The following BICD1 variants were observed in gnomAD, a reference collection of about 807,000 sequenced individuals.
BICD1 encodes the protein protein bicaudal D homolog 1.
In BICD1, 35 loss-of-function variants were observed where a neutral mutation model predicts 92.5. That is an observed-to-expected ratio of 0.38 (90% CI 0.29 to 0.50). The LOEUF is 0.50. Among genes scored for constraint, BICD1 ranks in the 20% least tolerant of loss-of-function variants. The probability of loss-of-function intolerance (pLI) is 0.93; values close to 1 mark genes in which losing one functional copy is unlikely to be tolerated. For synonymous variants in BICD1, 429 were observed against 465.1 expected (o/e 0.92, Z 1.00); for missense variants, 950 against 1,189.8 (o/e 0.80, Z 2.97).
At chr12:32,189,502 G>C (rs960366017) in intron 1 of BICD1, among the ~76,000 whole-genome samples, 1 of 152,020 alleles carries the variant, frequency 6.6e-6, no homozygotes, top group African/African-American at 2.4e-5. Flanking sequence ...GAAGGTTAAG[G>C]GTTAAATAAC....
intron 9 of BICD1, among the ~76,000 whole-genome samples, chr12:32,376,513 T>A (rs539653632): frequency 4.6e-5 from 7 of 152,246 alleles, no homozygotes; most frequent in Admixed American, 1.3e-4. Flanking sequence ...GAGCACAGGT[T>A]CATTTAAACT....
intron 2 of BICD1, among the ~76,000 whole-genome samples, chr12:32,257,007 G>A (rs1946737607): frequency 6.6e-6 from 1 of 152,084 alleles, no homozygotes; most frequent in South Asian, 2.1e-4. Flanking sequence ...AAGTTCAAGA[G>A]ATCAAGACCA....
At chr12:32,145,987 A>G (rs78692142) in intron 1 of BICD1, among the ~76,000 whole-genome samples, 2,503 of 152,322 alleles carry the variant, frequency 0.016, 30 homozygotes, top group South Asian at 0.03. Context: ...GATGAGCAAA[A>G]CAGGGATGGG....
chr12:32,108,416 T>A (rs1231018717), intron 1 of BICD1: 2 of 332,396 alleles, frequency 6.0e-6, no homozygotes, highest in South Asian at 8.5e-5. Flanking sequence ...TGCTTTGATT[T>A]CCTATCAGTC....
At chr12:32,198,456 C>G (rs752676939) in intron 1 of BICD1, among the ~76,000 whole-genome samples, 1 of 150,088 alleles carries the variant, frequency 6.7e-6, no homozygotes, top group African/African-American at 2.4e-5. Context: ...CAATAAAAAG[C>G]AGCCATTGTA....
At chr12:32,147,429 A>G (rs1159143995) in intron 1 of BICD1, among the ~76,000 whole-genome samples, 1 of 152,144 alleles carries the variant, frequency 6.6e-6, no homozygotes, top group Non-Finnish European at 1.5e-5. Context: ...GTCATTTTGG[A>G]TATTTGATTA....
intron 1 of BICD1, among the ~76,000 whole-genome samples, chr12:32,119,287 T>C (rs1046045788): frequency 1.3e-5 from 2 of 152,212 alleles, no homozygotes; most frequent in Admixed American, 6.5e-5. Context: ...GGTCTCAACA[T>C]TGGAAATGTT....
intron 3 of BICD1, among the ~76,000 whole-genome samples, chr12:32,302,242 A>G (rs1948073935): frequency 6.6e-6 from 1 of 152,248 alleles, no homozygotes; most frequent in Non-Finnish European, 1.5e-5. Flanking sequence ...TTGTGAAATC[A>G]TCAGTTTTCT....
chr12:32,223,774 C>T lies in BICD1; in HGVS notation c.426+7315C>T, dbSNP rs115153363. 4.7e-3 allele frequency among the ~76,000 whole-genome samples: 718 copies of T among 152,224 alleles called. 4 individuals are homozygous for T. The highest frequency in any genetic ancestry group is 0.017 in the African/African-American group (688 of 41,542). ...TCATTTCTTCCTTTCCTTGAAAGTA[C>T]GATTCTTTCACTTGGACACTTTGAG... On this transcript the variant is annotated intron_variant, in intron 2 of 9. Transcript: ENST00000652176.
At chr12:32,360,783 AT>A in intron 8 of BICD1, among the ~76,000 whole-genome samples, 1 of 152,204 alleles carries the variant, frequency 6.6e-6, no homozygotes. Flanking sequence ...GCCTGACCTT[AT>A]TATTAATTGC....
At chr12:32,367,112 A>G (rs974827943) in intron 8 of BICD1, among the ~76,000 whole-genome samples, 4 of 152,218 alleles carry the variant, frequency 2.6e-5, no homozygotes, top group African/African-American at 9.7e-5. Flanking sequence ...TTCTATTGTC[A>G]ATATATAAAA....
chr12:32,228,535 G>A (rs1325926020), intron 2 of BICD1, among the ~76,000 whole-genome samples: 1 of 152,196 alleles, frequency 6.6e-6, no homozygotes, highest in Non-Finnish European at 1.5e-5. Flanking sequence ...GGGCAAAGGA[G>A]GAACCTGACT....
chr12:32,115,861 T>G (rs1941872125), intron 1 of BICD1, among the ~76,000 whole-genome samples: 1 of 152,244 alleles, frequency 6.6e-6, no homozygotes, highest in South Asian at 2.1e-4. Flanking sequence ...AGTCCTGCAG[T>G]GTGACCACAT....
intron 2 of BICD1, among the ~76,000 whole-genome samples, chr12:32,263,320 G>A (rs1467107391): frequency 6.6e-6 from 1 of 152,052 alleles, no homozygotes; most frequent in African/African-American, 2.4e-5. Flanking sequence ...AGGCCGAGGC[G>A]GGTGGATCAC....
At chr12:32,202,094 C>A (rs1944920227) in intron 1 of BICD1, among the ~76,000 whole-genome samples, 1 of 152,148 alleles carries the variant, frequency 6.6e-6, no homozygotes, top group African/African-American at 2.4e-5. Context: ...ATTTTTGAAC[C>A]CAAGATTTCC....
At chr12:32,158,807 G>A (rs1278988377) in intron 1 of BICD1, among the ~76,000 whole-genome samples, 1 of 152,134 alleles carries the variant, frequency 6.6e-6, no homozygotes, top group Non-Finnish European at 1.5e-5. Flanking sequence ...CAAAAATTGT[G>A]TTCTTTGGTT....
chr12:32,294,011 G>A lies in BICD1; in HGVS notation c.444G>A (p.Glu148=), dbSNP rs996357022. Residue 148 remains glutamate, a synonymous_variant, in exon 3 of 10, where the codon GAG becomes GAA. Coordinates refer to ENST00000652176, the MANE Select transcript of BICD1 (RefSeq NM_001714.4). ...TGTTTCAGAACAATGAGATGGTGGA[G>A]CTACAGAGAATACGGATGAAGGATG... ...QDLKENNEMV[E]LQRIRMKDEI... 6.2e-7 allele frequency: 1 copy of A among 1,613,136 alleles called. No homozygotes were observed. Among genetic ancestry groups the A allele is most frequent in the Middle Eastern group, 1.6e-4 (1 of 6,062 alleles).
intron 2 of BICD1, among the ~76,000 whole-genome samples, chr12:32,267,262 A>G (rs1351286195): frequency 6.6e-6 from 1 of 152,246 alleles, no homozygotes; most frequent in Non-Finnish European, 1.5e-5. Flanking sequence ...ATATGTACAC[A>G]GTGTATACAA....
chr12:32,186,596 G>A (rs969630334), intron 1 of BICD1, among the ~76,000 whole-genome samples: 8 of 152,216 alleles, frequency 5.3e-5, no homozygotes, highest in Non-Finnish European at 4.4e-5. Context: ...ACATTGGAGT[G>A]CTGGTCAAAG....
Sources: gnomAD v4.1 joint callset for allele counts (sites outside exome capture counted in the v4.1 genomes callset) on GRCh38, gnomAD v4.1.1 for gene constraint, MANE v1.5 for transcripts, NCBI Gene and HGNC (gene_info 2026-07-23, HGNC 2026-07-21) for gene names.